The following LRP5 variants were observed in gnomAD, a reference collection of about 807,000 sequenced individuals.
LRP5 encodes LDL receptor related protein 5, also known as low-density lipoprotein receptor-related protein 5.
Under a neutral mutation model 154.1 loss-of-function variants are expected in LRP5, and 62 were observed. That is an observed-to-expected ratio of 0.40 (90% CI 0.33 to 0.50). The LOEUF is 0.50. LRP5 is among the 20% of genes least tolerant of loss of function. The probability of loss-of-function intolerance (pLI) is 0.55; values close to 1 mark genes in which losing one functional copy is unlikely to be tolerated. For synonymous variants in LRP5, 966 were observed against 1,011.5 expected (o/e 0.96, Z 0.85); for missense variants, 1,915 against 2,336.7 (o/e 0.82, Z 3.72).
chr11:68,398,615 A>G (rs1041584269), intron 7 of LRP5, among the ~76,000 whole-genome samples: 4 of 152,042 alleles, frequency 2.6e-5, no homozygotes, highest in Non-Finnish European at 5.9e-5. Flanking sequence ...ACCATGCTCA[A>G]GCTGAGTGGG....
At chr11:68,310,385 C>A, upstream of LRP5, among the ~76,000 whole-genome samples, 1 of 152,072 alleles carries the variant, frequency 6.6e-6, no homozygotes, top group Admixed American at 6.6e-5. Context: ...TTTGGGAGGC[C>A]GAGGCAGGTG....
chr11:68,328,779 T>A (rs1458363489), intron 1 of LRP5, among the ~76,000 whole-genome samples: 2 of 152,236 alleles, frequency 1.3e-5, no homozygotes, highest in Non-Finnish European at 2.9e-5. Flanking sequence ...CTGTCTGTGT[T>A]ATCTGGAGTC....
At chr11:68,344,309 T>C (rs779744727) in intron 1 of LRP5, among the ~76,000 whole-genome samples, 1 of 152,070 alleles carries the variant, frequency 6.6e-6, no homozygotes, top group Non-Finnish European at 1.5e-5. Flanking sequence ...ATTTTTTGAT[T>C]TCTTTTTATT....
chr11:68,449,196 G>T lies in LRP5; in HGVS notation c.*126G>T. The stretch of plus-strand genomic sequence containing the variant: ...GGGATTTTAAAAACATGAGAAATGT[G>T]AACTGTGATGGGGTGGGCAGGGCTG... On this transcript the variant is annotated 3_prime_UTR_variant, in exon 23 of 23. Coordinates refer to ENST00000294304, the MANE Select transcript of LRP5 (RefSeq NM_002335.4). 161 of 433,630 alleles carry T rather than the reference G, an allele frequency of 3.7e-4. No homozygotes were observed. The highest frequency in any genetic ancestry group is 1.6e-3 in the Middle Eastern group (2 of 1,262). 26.9% of individuals were successfully genotyped at this position (433,630 alleles called of 1,614,324 possible).
intron 21 of LRP5, among the ~76,000 whole-genome samples, chr11:68,441,623 GC>G (rs1051807423): frequency 6.6e-6 from 1 of 152,150 alleles, no homozygotes; most frequent in African/African-American, 2.4e-5. Context: ...CCCAAGCAGG[GC>G]CCCCGAGCAC....
chr11:68,301,895 TG>T, the LRP5 span, among the ~76,000 whole-genome samples: 1 of 152,030 alleles, frequency 6.6e-6, no homozygotes. Flanking sequence ...CCCAAAGTGC[TG>T]GGATTACAGG....
At chr11:68,379,704 AT>A (rs1185756950) in intron 5 of LRP5, among the ~76,000 whole-genome samples, 1 of 152,172 alleles carries the variant, frequency 6.6e-6, no homozygotes, top group African/African-American at 2.4e-5. Context: ...AATAGACTTC[AT>A]TTTTTTAGAG....
intron 5 of LRP5, among the ~76,000 whole-genome samples, chr11:68,385,504 G>C (rs996638629): frequency 1.3e-5 from 2 of 152,162 alleles, no homozygotes; most frequent in African/African-American, 4.8e-5. Flanking sequence ...GGAGGCCGCG[G>C]TGCAGCCCCA....
rs761245318 is a variant in LRP5, at chr11:68,363,963, C to T, written c.883+20C>T. 4.6e-5 allele frequency: 31 copies of T among 676,108 alleles called. No individual in the cohort carries two copies. Among genetic ancestry groups the T allele is most frequent in the South Asian group, 7.5e-5 (3 of 39,996 alleles). The allele number at this position is 676,108 out of a possible 1,614,324, so 41.9% of individuals were successfully genotyped here. On this transcript the variant is annotated intron_variant, in intron 4 of 22. Coordinates refer to ENST00000294304, the MANE Select transcript of LRP5 (RefSeq NM_002335.4). ...CTTTCTGTGAGTGCCGGCTGGGGCG[C>T]GGGGGCGAGGGTGCGGGGGCTGGGG...
Position 68,439,914 on chromosome 11 carries a change from C to A in LRP5, c.4486C>A (p.Pro1496Thr). 6.5e-7 allele frequency: 1 copy of A among 1,547,976 alleles called. No homozygotes were observed. Among genetic ancestry groups the A allele is most frequent in the Non-Finnish European group, 8.7e-7 (1 of 1,147,602 alleles). ...SSSTKATLYP[P>T]ILNPPPSPAT... The stretch of plus-strand genomic sequence containing the variant: ...CAGCACGAAGGCCACGCTGTACCCG[C>A]CGGTGAGGGGCGGGGCCGGGGAGGG... Residue 1496 changes from proline to threonine, a missense_variant and splice_region_variant, in exon 21 of 23, where the codon CCG becomes ACG. Pro to Thr is a conservative substitution (Grantham distance 38, BLOSUM62 -1). Around this residue, in one of 3 missense-constraint regions of LRP5, gnomAD observed 1,094 missense variants for 1,210.1 expected, o/e 0.90. Coordinates refer to ENST00000294304, the MANE Select transcript of LRP5 (RefSeq NM_002335.4).
intron 16 of LRP5, among the ~76,000 whole-genome samples, chr11:68,428,361 T>A (rs1285110942): frequency 2.2e-4 from 33 of 152,116 alleles, no homozygotes. Context: ...GACCACAAAC[T>A]GGATGGCTTA....
chr11:68,365,275 A>G (rs1591231727), intron 4 of LRP5, among the ~76,000 whole-genome samples: 1 of 151,992 alleles, frequency 6.6e-6, no homozygotes, highest in Admixed American at 6.6e-5. Flanking sequence ...GCAGATGGGG[A>G]GATGTCACTC....
intron 5 of LRP5, among the ~76,000 whole-genome samples, chr11:68,380,193 T>G (rs2098639545): frequency 6.6e-6 from 1 of 152,236 alleles, no homozygotes; most frequent in African/African-American, 2.4e-5. Context: ...GCCAGATGGC[T>G]CACCATCTAG....
At chr11:68,446,556 C>T in intron 22 of LRP5, 23 bp downstream of exon 22, 1 of 1,592,220 alleles carries the variant, frequency 6.3e-7, no homozygotes, top group Non-Finnish European at 8.6e-7. Context: ...CTGCAGCCCT[C>T]CATGGCCATT....
At chr11:68,308,803 T>C (rs940109445), upstream of LRP5, among the ~76,000 whole-genome samples, 5 of 150,468 alleles carry the variant, frequency 3.3e-5, no homozygotes, top group Admixed American at 3.3e-4. Context: ...GGCTGGAGTG[T>C]AGTGGCGTGA....
In LRP5 at chr11:68,403,365, G is replaced by T. The variant is rs686921; in HGVS notation, c.1585-118G>T. The T allele has an allele frequency of 0.75, 607,278 of 813,920 alleles. 230,860 individuals are homozygous for T. Among genetic ancestry groups the T allele is most frequent in the South Asian group, 0.83 (57,543 of 68,944 alleles). 50.4% of individuals were successfully genotyped at this position (813,920 alleles called of 1,614,324 possible). A position where few individuals can be genotyped will look rare whatever the true frequency, so the allele number is the denominator to read the frequency against. The stretch of plus-strand genomic sequence containing the variant: ...CCTGGCAAGGTGCAGGTAAAGTTGC[G>T]GCTCTTGGGCATTGAACCCGTCTTG... On this transcript the variant is annotated intron_variant, in intron 7 of 22. Coordinates refer to ENST00000294304, the MANE Select transcript of LRP5 (RefSeq NM_002335.4).
chr11:68,329,443 C>T (rs1321374342), intron 1 of LRP5, among the ~76,000 whole-genome samples: 1 of 152,176 alleles, frequency 6.6e-6, no homozygotes, highest in Non-Finnish European at 1.5e-5. Context: ...AATTGGCAGA[C>T]GGTGGTTCCA....
chr11:68,426,474 G>A (rs930250970), intron 16 of LRP5, among the ~76,000 whole-genome samples: 2 of 148,244 alleles, frequency 1.3e-5, no homozygotes, highest in Non-Finnish European at 3.0e-5. Flanking sequence ...GCCCAGGCTG[G>A]GGTGCCCTGG....
At chr11:68,362,873 C>T (rs1323253091) in intron 3 of LRP5, among the ~76,000 whole-genome samples, 3 of 152,138 alleles carry the variant, frequency 2.0e-5, no homozygotes, top group Admixed American at 6.5e-5. Context: ...GGGCTGGGGA[C>T]GTGGCGGGGA....
Sources: gnomAD v4.1 joint callset for allele counts (sites outside exome capture counted in the v4.1 genomes callset) on GRCh38, gnomAD v4.1.1 for gene constraint, gnomAD v4.1.1 regional missense constraint, MANE v1.5 for transcripts, NCBI Gene and HGNC (gene_info 2026-07-23, HGNC 2026-07-21) for gene names.